PDZD2: variants seen among roughly 807,000 people sequenced by gnomAD.
PDZD2 encodes PDZ domain containing 2, also known as PDZ domain-containing protein 2.
Under a neutral mutation model 220.7 loss-of-function variants are expected in PDZD2, and 90 were observed. That is an observed-to-expected ratio of 0.41 (90% CI 0.34 to 0.49). The LOEUF (loss-of-function observed/expected upper bound fraction) is 0.49. PDZD2 is among the 20% of genes least tolerant of loss of function. The pLI, the probability that PDZD2 is intolerant of heterozygous loss-of-function variation, is 0.28. For missense variants in PDZD2, 3,174 were observed against 3,608.5 expected (o/e 0.88, Z 3.08); for synonymous variants, 1,375 against 1,450.5 (o/e 0.95, Z 1.18).
chr5:31,859,354 A>G (rs945709056), intron 2 of PDZD2, among the ~76,000 whole-genome samples: 12 of 152,088 alleles, frequency 7.9e-5, no homozygotes, highest in African/African-American at 2.4e-4. Flanking sequence ...GGGTGGTTAC[A>G]TTACCCTTTT....
At position 32,089,516 on chromosome 5, in the gene PDZD2, G is replaced by A. The variant is rs1266375623; in HGVS notation, c.6068G>A (p.Arg2023Lys). 2 of 1,612,764 alleles carry A rather than the reference G, an allele frequency of 1.2e-6. No individual in the cohort carries two copies. Among genetic ancestry groups the A allele is most frequent in the South Asian group, 1.1e-5 (1 of 91,086 alleles). Residue 2023 changes from arginine to lysine, a missense_variant, in exon 20 of 25, where the codon AGA (arginine) becomes AAA (lysine). By Grantham distance (26) the Arg-to-Lys change is conservative. Coordinates refer to ENST00000438447, the MANE Select transcript of PDZD2 (RefSeq NM_178140.4). ...CPTTPKSPKC[R>K]AEGRAPRADS... ...ACCACCCCTAAATCTCCTAAGTGTA[G>A]AGCAGAGGGCAGGGCGCCCCGTGCT...
At position 32,000,690 on chromosome 5, in the gene PDZD2, T is replaced by A. The variant is rs1235741933; in HGVS notation, c.1254+419T>A. Among the ~76,000 whole-genome samples, 1 of 152,122 alleles carries A rather than the reference T, an allele frequency of 6.6e-6. No homozygotes were observed. The highest frequency in any genetic ancestry group is 2.4e-5 in the African/African-American group (1 of 41,440). On this transcript the variant is annotated intron_variant, in intron 5 of 24. Transcript: ENST00000438447. This position sits in a 1 kb window ranked among gnomAD's most constrained non-coding sequence, Gnocchi z 4.5. ...CACACCCGGCTAATTTTGTATTTTT[T>A]ATAGAGATGGGGTTTCTCCATGTTG...
intron 19 of PDZD2, among the ~76,000 whole-genome samples, chr5:32,080,994 G>A (rs1425217048): frequency 6.6e-6 from 1 of 151,958 alleles, no homozygotes. Context: ...CTAGGTCACG[G>A]GTTGATAGGT....
intron 1 of PDZD2, among the ~76,000 whole-genome samples, chr5:31,792,924 C>T (rs555012249): frequency 2.0e-5 from 3 of 151,738 alleles, no homozygotes; most frequent in African/African-American, 7.3e-5. Flanking sequence ...CTGCAGCCTC[C>T]ACCTCCCCGG....
intron 6 of PDZD2, among the ~76,000 whole-genome samples, chr5:32,033,420 A>C (rs10940994): frequency 4.6e-5 from 7 of 152,062 alleles, no homozygotes; most frequent in Non-Finnish European, 8.8e-5. Context: ...ACTCAACGAA[A>C]AAACAGTTTT....
chr5:32,053,732 C>G lies in PDZD2; in HGVS notation c.1786-37C>G, dbSNP rs183103156. Reference sequence around the variant, plus strand: ...GAAAGATGCCCTCAGTTAAATACCACACTGTCAACCTGGACTCTCATCTGC... The same window carrying G: ...GAAAGATGCCCTCAGTTAAATACCAGACTGTCAACCTGGACTCTCATCTGC... On this transcript the variant is annotated intron_variant, in intron 9 of 24. Coordinates refer to ENST00000438447, the MANE Select transcript of PDZD2 (RefSeq NM_178140.4). 1.7e-5 allele frequency: 19 copies of G among 1,128,202 alleles called. No individual in the cohort carries two copies. The East Asian group carries it at 4.2e-4, about 25-fold the overall frequency. The allele number at this position is 1,128,202 out of a possible 1,614,324, so 69.9% of individuals were successfully genotyped here.
intron 2 of PDZD2, among the ~76,000 whole-genome samples, chr5:31,940,231 G>A (rs1369809724): frequency 1.3e-5 from 2 of 152,178 alleles, no homozygotes; most frequent in Non-Finnish European, 2.9e-5. Flanking sequence ...CATGGACATG[G>A]CAACTGTTCC....
chr5:31,725,820 G>A (rs1749092341), intron 1 of PDZD2: 4 of 866,494 alleles, frequency 4.6e-6, no homozygotes, highest in South Asian at 4.0e-5. Context: ...CCACTTTGGT[G>A]TTTGAATCTC....
intron 19 of PDZD2, among the ~76,000 whole-genome samples, chr5:32,082,526 A>G (rs1389061669): frequency 1.3e-5 from 2 of 152,102 alleles, no homozygotes; most frequent in Non-Finnish European, 2.9e-5. Flanking sequence ...CTGTTGTCCT[A>G]AGTTACACAC....
In PDZD2 at chr5:31,783,102, A is replaced by C. The variant is rs147286628; in HGVS notation, c.-360-15787A>C. Among the ~76,000 whole-genome samples, 795 of 152,218 alleles carry C rather than the reference A, an allele frequency of 5.2e-3. 8 individuals carry two copies. The highest frequency in any genetic ancestry group is 0.018 in the African/African-American group (756 of 41,550). ...TTTAGATGAAGTTGGTTTAAACTTT[A>C]TTTTAGATAAAGTTGGTTTAAACTT... On this transcript the variant is annotated intron_variant, in intron 1 of 24. Transcript: ENST00000438447.
chr5:32,037,434 G>A (rs764994876), intron 7 of PDZD2, 92 bp downstream of exon 7: 425 of 729,010 alleles, frequency 5.8e-4, no homozygotes, highest in Non-Finnish European at 9.0e-4. Context: ...ATGAGCTCCC[G>A]TCTTCCTTAA....
At chr5:31,891,215 C>G (rs1305390797) in intron 2 of PDZD2, among the ~76,000 whole-genome samples, 1 of 150,394 alleles carries the variant, frequency 6.6e-6, no homozygotes, top group African/African-American at 2.5e-5. Context: ...CGGCTCACTG[C>G]CATCTCAGCC....
intron 2 of PDZD2, among the ~76,000 whole-genome samples, chr5:31,933,701 G>A (rs541807971): frequency 6.6e-6 from 1 of 152,318 alleles, no homozygotes; most frequent in South Asian, 2.1e-4. Flanking sequence ...AATGTGCCCT[G>A]TGATGTTGGA....
chr5:32,044,016 T>C (rs1051964920), intron 7 of PDZD2, among the ~76,000 whole-genome samples: 5 of 152,108 alleles, frequency 3.3e-5, no homozygotes, highest in African/African-American at 1.2e-4. Context: ...GAAGAATGGG[T>C]TTGAATGGGT....
At chr5:32,072,026 G>T in intron 16 of PDZD2, 135 bp from the exon 17 acceptor site, 1 of 613,784 alleles carries the variant, frequency 1.6e-6, no homozygotes, top group Non-Finnish European at 2.9e-6. Flanking sequence ...CATGGAGGTT[G>T]GTGTTTACTA....
At chr5:32,053,973 A>T in intron 10 of PDZD2, 90 bp downstream of exon 10, 1 of 756,096 alleles carries the variant, frequency 1.3e-6, no homozygotes, top group Non-Finnish European at 2.4e-6. Context: ...ATGCCACAGT[A>T]CCTAGTAGAC....
chr5:31,703,957 T>C (rs200695105), intron 1 of PDZD2, among the ~76,000 whole-genome samples: 4 of 149,376 alleles, frequency 2.7e-5, no homozygotes, highest in South Asian at 2.1e-4. Flanking sequence ...TTCTCTCTCT[T>C]TCTCTCTCTC....
chr5:31,730,975 T>A (rs1033264117), intron 1 of PDZD2, among the ~76,000 whole-genome samples: 4 of 152,180 alleles, frequency 2.6e-5, no homozygotes, highest in Non-Finnish European at 4.4e-5. Context: ...CAAAATGAAT[T>A]TCTTTGCTTA....
intron 1 of PDZD2, among the ~76,000 whole-genome samples, chr5:31,788,384 G>A (rs1753500920): frequency 6.6e-6 from 1 of 150,726 alleles, no homozygotes. Context: ...AAATAAAAAA[G>A]GCCGGGCACA....
Sources: gnomAD v4.1 joint callset for allele counts (sites outside exome capture counted in the v4.1 genomes callset) on GRCh38, gnomAD v4.1.1 for gene constraint, Gnocchi (gnomAD v3.1) non-coding constraint, MANE v1.5 for transcripts, NCBI Gene and HGNC (gene_info 2026-07-23, HGNC 2026-07-21) for gene names.